The following RARS2 variants were observed in gnomAD, a reference collection of about 807,000 sequenced individuals.
The protein encoded by RARS2 is probable arginine--tRNA ligase, mitochondrial.
RARS2 carries 67 observed loss-of-function variants against 88.5 expected under a neutral mutation model. The ratio of observed to expected loss-of-function variants is 0.76; its 90% CI spans 0.62 to 0.93. RARS2 has a LOEUF of 0.93. RARS2 is among the 40% of genes least tolerant of loss of function. RARS2 has a pLI of 0.00. For missense variants in RARS2, 664 were observed against 684.2 expected (o/e 0.97, Z 0.33); for synonymous variants, 239 against 230.3 (o/e 1.04, Z -0.34).
chr6:87,525,216 T>C (rs1042325111), intron 10 of RARS2, among the ~76,000 whole-genome samples: 1 of 152,236 alleles, frequency 6.6e-6, no homozygotes, highest in Non-Finnish European at 1.5e-5. Context: ...AAAAGTGACA[T>C]GTCTCTTAAG....
chr6:87,565,441 A>G (rs996643756), intron 2 of RARS2, among the ~76,000 whole-genome samples: 1 of 152,222 alleles, frequency 6.6e-6, no homozygotes, highest in African/African-American at 2.4e-5. Flanking sequence ...GTGAAAATAA[A>G]TCATTTGCAT....
chr6:87,573,168 T>C (rs1205809024), intron 1 of RARS2, among the ~76,000 whole-genome samples: 1 of 152,086 alleles, frequency 6.6e-6, no homozygotes, highest in Non-Finnish European at 1.5e-5. Flanking sequence ...GAAGCACGTA[T>C]GGGGAGGCCT....
intron 1 of RARS2, among the ~76,000 whole-genome samples, chr6:87,583,765 A>G (rs1443247930): frequency 6.6e-6 from 1 of 152,208 alleles, no homozygotes; most frequent in Non-Finnish European, 1.5e-5. Context: ...TGAGGCAAAT[A>G]GCTAGGTTAG....
chr6:87,518,851 CCT>C lies in RARS2; in HGVS notation c.1276_1277del (p.Arg426GlyfsTer18). The C allele has an allele frequency of 1.2e-6, 2 of 1,614,046 alleles. No individual in the cohort carries two copies. The highest frequency in any genetic ancestry group is 4.5e-5 in the East Asian group (2 of 44,874). On this transcript the variant is annotated frameshift_variant, in exon 15 of 20. Transcript: ENST00000369536. LOFTEE classifies it high-confidence loss of function. Reference sequence around the variant, plus strand: ...GAATAATGAGTGCTGCGAGCCCGACCCTCTCTGCAGTCTCTTGTGGGTTCTTG... The same window carrying C: ...GAATAATGAGTGCTGCGAGCCCGACCCTCTGCAGTCTCTTGTGGGTTCTTG... ...ELKNPQETAE[R>X]VGLAALIIQD...
rs1414482112 is a variant in RARS2, at chr6:87,518,720, A to G, written c.1325T>C (p.Leu442Ser). ...LIIQDFKGLL[L>S]SDYKFSWDRV... ...ATCCCAGCTGAACTTGTAGTCAGAT[A>G]AGAGTAAACCTTTGAAGTCCTAAAA... Residue 442 changes from leucine to serine, a missense_variant, in exon 16 of 20, where the codon TTA becomes TCA. Physicochemically the swap from Leu to Ser is moderately radical, Grantham distance 145 (BLOSUM62 -2). Transcript: ENST00000369536. The G allele has an allele frequency of 3.1e-6, 5 of 1,614,120 alleles. No homozygotes were observed. The highest frequency in any genetic ancestry group is 2.2e-5 in the East Asian group (1 of 44,884).
chr6:87,515,958 GAA>G (rs10605334), intron 18 of RARS2: 43,753 of 131,634 alleles, frequency 0.33, 6,289 homozygotes, highest in Admixed American at 0.43. Flanking sequence ...TCAAAAAAAA[GAA>G]AAAAAAAAAA....
At chr6:87,539,819 TG>T (rs1242505330) in intron 8 of RARS2, among the ~76,000 whole-genome samples, 5 of 152,208 alleles carry the variant, frequency 3.3e-5, no homozygotes, top group African/African-American at 1.2e-4. Context: ...GCTATTTCTT[TG>T]TGGCACCGGG....
intron 1 of RARS2, among the ~76,000 whole-genome samples, chr6:87,571,748 C>T (rs967578915): frequency 3.3e-5 from 5 of 152,180 alleles, no homozygotes; most frequent in African/African-American, 1.2e-4. Context: ...CTGTTGTCAA[C>T]AGAAGTTATT....
At chr6:87,536,702 T>C (rs1779294423) in intron 8 of RARS2, among the ~76,000 whole-genome samples, 1 of 151,946 alleles carries the variant, frequency 6.6e-6, no homozygotes, top group African/African-American at 2.4e-5. Context: ...GGCTTTTTGA[T>C]ATATTGTCTA....
In RARS2 at chr6:87,576,023, C is replaced by A. The variant is rs1222701922; in HGVS notation, c.37-6433G>T. ...CCATGTTGGCCAGACTAGTCTCGAACTCCTGACCTCAAGTGATCCACCCGC... is the reference window on the plus strand; with the variant it reads ...CCATGTTGGCCAGACTAGTCTCGAAATCCTGACCTCAAGTGATCCACCCGC... On this transcript the variant is annotated intron_variant, in intron 1 of 19. Transcript: ENST00000369536. 2.6e-5 allele frequency among the ~76,000 whole-genome samples: 4 copies of A among 151,262 alleles called. No individual in the cohort carries two copies. The Admixed American group carries it at 2.6e-4, about 10-fold the overall frequency.
chr6:87,579,653 TA>T (rs71018100), intron 1 of RARS2, among the ~76,000 whole-genome samples: 4,523 of 77,668 alleles, frequency 0.058, 97 homozygotes, highest in Middle Eastern at 0.13. Flanking sequence ...GGGTGCAGCA[TA>T]AAAAAAAAAG....
chr6:87,589,899 T>C, intron 1 of RARS2, 23 bp downstream of exon 1: 1 of 1,614,214 alleles, frequency 6.2e-7, no homozygotes, highest in South Asian at 1.1e-5. Flanking sequence ...CAGGGACTCC[T>C]CTGCGCGCTC....
At chr6:87,518,352 A>G in intron 16 of RARS2, 88 bp from the exon 17 acceptor site, 6 of 1,598,822 alleles carry the variant, frequency 3.8e-6, no homozygotes, top group Non-Finnish European at 5.1e-6. Context: ...TGACCTTATA[A>G]TACACAATTT....
chr6:87,529,705 A>C, intron 9 of RARS2, 57 bp from the exon 10 acceptor site: 5 of 1,233,258 alleles, frequency 4.1e-6, no homozygotes, highest in Non-Finnish European at 6.0e-6. Flanking sequence ...TCCTATTCTT[A>C]CCCTAAGGCA....
At chr6:87,526,891 G>C (rs1775925149) in intron 10 of RARS2, among the ~76,000 whole-genome samples, 1 of 151,758 alleles carries the variant, frequency 6.6e-6, no homozygotes, top group African/African-American at 2.4e-5. Context: ...GGCTGGTCTT[G>C]AACTCCCAAC....
At chr6:87,547,644 T>G (rs1782979216) in intron 6 of RARS2, among the ~76,000 whole-genome samples, 1 of 151,664 alleles carries the variant, frequency 6.6e-6, no homozygotes, top group African/African-American at 2.4e-5. Context: ...TAGTCTTTTT[T>G]CTTTTCTTTT....
At chr6:87,550,724 A>T (rs5027662) in intron 5 of RARS2, among the ~76,000 whole-genome samples, 4,651 of 149,944 alleles carry the variant, frequency 0.031, 101 homozygotes, top group Middle Eastern at 0.051. Flanking sequence ...AAAAAAAAAA[A>T]GAATAGAATA....
At chr6:87,534,901 A>G (rs1778665520) in intron 8 of RARS2, among the ~76,000 whole-genome samples, 1 of 152,226 alleles carries the variant, frequency 6.6e-6, no homozygotes. Context: ...TTGTCACACA[A>G]GAAGAGCTGC....
At chr6:87,515,767 T>C (rs1355006415) in intron 18 of RARS2, 1 of 151,914 alleles carries the variant, frequency 6.6e-6, no homozygotes, top group Non-Finnish European at 1.5e-5. Flanking sequence ...ACTTAAGACA[T>C]CAGTTTTAAT....
Sources: allele counts gnomAD v4.1 joint callset (sites outside exome capture counted in the v4.1 genomes callset), GRCh38; gene constraint gnomAD v4.1.1; transcripts MANE v1.5; gene names NCBI Gene and HGNC (gene_info 2026-07-23, HGNC 2026-07-21).